ANXA8: variants seen among roughly 807,000 people sequenced by gnomAD.
ANXA8 encodes VAC-beta.
A neutral mutation model predicts 26.8 loss-of-function variants in ANXA8; 9 were observed. The observed-to-expected ratio is 0.34, with a 90% CI of 0.20 to 0.59. The LOEUF (loss-of-function observed/expected upper bound fraction) is 0.59, where lower values mean the gene tolerates loss of function less well. Ranked by LOEUF, ANXA8 falls within the 20% of genes least tolerant of loss-of-function variation. ANXA8 has a pLI of 0.84. For synonymous variants in ANXA8, 39 were observed against 94.8 expected (o/e 0.41, Z 3.42); for missense variants, 83 against 238.5 (o/e 0.35, Z 4.29).
chr10:47,513,138 G>A, the ANXA8 span, among the ~76,000 whole-genome samples: 3 of 149,142 alleles, frequency 2.0e-5, no homozygotes, highest in African/African-American at 4.9e-5. Flanking sequence ...AGGTTCAAGC[G>A]ATTCTCCTGC....
At chr10:47,743,331 T>TATATATATATACAC in the ANXA8 span, among the ~76,000 whole-genome samples, 1 of 80,064 alleles carries the variant, frequency 1.2e-5, no homozygotes, top group Non-Finnish European at 2.4e-5. Flanking sequence ...TATATATACA[T>TATATATATATACAC]ATATATATAC....
chr10:47,647,224 CTT>C, the ANXA8 span, among the ~76,000 whole-genome samples: 9 of 152,240 alleles, frequency 5.9e-5, no homozygotes, highest in African/African-American at 1.7e-4. Flanking sequence ...GTATAGGACT[CTT>C]GATAATATTT....
At chr10:47,939,975 C>G in the ANXA8 span, among the ~76,000 whole-genome samples, 1 of 141,914 alleles carries the variant, frequency 7.0e-6, no homozygotes, top group Non-Finnish European at 1.5e-5. Context: ...CCCTCACTCC[C>G]ACCCCATGCT....
chr10:47,509,057 T>C, the ANXA8 span, among the ~76,000 whole-genome samples: 5 of 135,554 alleles, frequency 3.7e-5, no homozygotes, highest in African/African-American at 1.5e-4. Flanking sequence ...TTCTCAAACT[T>C]GCTGGTGGCA....
At chr10:47,724,439 C>T in the ANXA8 span, among the ~76,000 whole-genome samples, 2 of 141,640 alleles carry the variant, frequency 1.4e-5, no homozygotes, top group Non-Finnish European at 3.1e-5. Flanking sequence ...TCGTCCAGCA[C>T]TCTAGCCACG....
chr10:47,660,546 A>G, the ANXA8 span, among the ~76,000 whole-genome samples: 3 of 151,668 alleles, frequency 2.0e-5, no homozygotes, highest in Non-Finnish European at 4.4e-5. Context: ...GATCACAGGT[A>G]TATGTCACCA....
At chr10:47,566,298 C>A in the ANXA8 span, among the ~76,000 whole-genome samples, 2 of 151,214 alleles carry the variant, frequency 1.3e-5, no homozygotes, top group African/African-American at 2.4e-5. Context: ...AGGCCTGGGG[C>A]CCCTCCCTGA....
the ANXA8 span, chr10:47,502,841 C>T: frequency 9.2e-5 from 147 of 1,602,970 alleles, 2 homozygotes; most frequent in African/African-American, 1.5e-3. Context: ...GCATCCCGCT[C>T]CTCATACGTC....
the ANXA8 span, among the ~76,000 whole-genome samples, chr10:47,980,878 A>G: frequency 3.3e-5 from 5 of 151,422 alleles, no homozygotes; most frequent in African/African-American, 4.8e-5. Context: ...TTCGCTGATT[A>G]GTTTTCCCAA....
the ANXA8 span, among the ~76,000 whole-genome samples, chr10:47,937,099 G>A: frequency 6.7e-6 from 1 of 149,802 alleles, no homozygotes; most frequent in African/African-American, 2.4e-5. Flanking sequence ...CCTCCTTCTA[G>A]TCCTCCTCTC....
chr10:47,541,154 C>T, the ANXA8 span, among the ~76,000 whole-genome samples: 3 of 110,556 alleles, frequency 2.7e-5, no homozygotes, highest in Non-Finnish European at 5.5e-5. Context: ...AGTGAGAACT[C>T]GTCCCTAGAA....
chr10:47,700,339 A>G, the ANXA8 span, among the ~76,000 whole-genome samples: 3 of 151,948 alleles, frequency 2.0e-5, no homozygotes, highest in East Asian at 5.8e-4. Flanking sequence ...GAAGATTAGA[A>G]TTAGACCCAC....
At chr10:47,650,566 G>T in the ANXA8 span, among the ~76,000 whole-genome samples, 1 of 148,722 alleles carries the variant, frequency 6.7e-6, no homozygotes, top group Non-Finnish European at 1.5e-5. Context: ...CAGCACTTTG[G>T]GAGGCCAAGG....
the ANXA8 span, among the ~76,000 whole-genome samples, chr10:47,530,399 A>G: frequency 6.7e-6 from 1 of 149,346 alleles, no homozygotes; most frequent in Non-Finnish European, 1.5e-5. Context: ...TCTTAAGAGA[A>G]TAAACAGGCC....
the ANXA8 span, among the ~76,000 whole-genome samples, chr10:47,767,415 G>T: frequency 3.0e-4 from 46 of 152,366 alleles, no homozygotes; most frequent in African/African-American, 1.1e-3. Context: ...ACTCCGACTG[G>T]CAGGGTGGGC....
At chr10:47,739,936 C>A in the ANXA8 span, among the ~76,000 whole-genome samples, 1 of 99,286 alleles carries the variant, frequency 1.0e-5, no homozygotes, top group Non-Finnish European at 2.0e-5. Context: ...CTATAAAACA[C>A]TAAAAAAAAA....
the ANXA8 span, among the ~76,000 whole-genome samples, chr10:47,984,798 G>C: frequency 7.1e-6 from 1 of 140,992 alleles, no homozygotes; most frequent in Admixed American, 7.1e-5. Flanking sequence ...GCTGAATATT[G>C]GCATAGATGT....
the ANXA8 span, among the ~76,000 whole-genome samples, chr10:47,627,418 C>G: frequency 6.7e-6 from 1 of 150,158 alleles, no homozygotes; most frequent in Non-Finnish European, 1.5e-5. Context: ...GTCACTCTAT[C>G]GGTACTGTTA....
chr10:47,646,190 G>T, the ANXA8 span, among the ~76,000 whole-genome samples: 1 of 142,038 alleles, frequency 7.0e-6, no homozygotes, highest in African/African-American at 2.8e-5. Context: ...TCTCATTTAT[G>T]GTTCTGTTTC....
Sources: gnomAD v4.1 joint callset for allele counts (sites outside exome capture counted in the v4.1 genomes callset) on GRCh38, gnomAD v4.1.1 for gene constraint, MANE v1.5 for transcripts, NCBI Gene and HGNC (gene_info 2026-07-23, HGNC 2026-07-21) for gene names.